PHC3: variants seen among roughly 807,000 people sequenced by gnomAD.
PHC3 encodes the protein polyhomeotic homolog 3, also known as polyhomeotic-like protein 3.
In PHC3, 13 loss-of-function variants were observed where a neutral mutation model predicts 107.4. That is an observed-to-expected ratio of 0.12 (90% CI 0.08 to 0.19). PHC3 has a LOEUF of 0.19. Among genes scored for constraint, PHC3 ranks in the 10% least tolerant of loss-of-function variants. The pLI is 1.00. For missense variants in PHC3, 992 were observed against 1,210.9 expected (o/e 0.82, Z 2.68); for synonymous variants, 456 against 427.4 (o/e 1.07, Z -0.83).
At chr3:170,145,593 AAG>A in intron 5 of PHC3, 72 bp from the exon 6 acceptor site, 1 of 1,029,868 alleles carries the variant, frequency 9.7e-7, no homozygotes, top group Non-Finnish European at 1.4e-6. Flanking sequence ...TGTAGCAGGC[AAG>A]AGAGACTGAA....
intron 4 of PHC3, among the ~76,000 whole-genome samples, chr3:170,154,318 G>A (rs1726532848): frequency 6.6e-6 from 1 of 152,240 alleles, no homozygotes; most frequent in Non-Finnish European, 1.5e-5. Context: ...CAACAGGGAA[G>A]AACTGGACCC....
intron 6 of PHC3, among the ~76,000 whole-genome samples, chr3:170,140,162 T>C (rs1394832838): frequency 1.3e-5 from 2 of 149,902 alleles, no homozygotes; most frequent in African/African-American, 2.4e-5. Context: ...GTTGTTTTTT[T>C]CCTCAATTCT....
intron 1 of PHC3, among the ~76,000 whole-genome samples, chr3:170,180,021 C>CACTA (rs1425054132): frequency 6.6e-6 from 1 of 151,778 alleles, no homozygotes; most frequent in Non-Finnish European, 1.5e-5. Flanking sequence ...ATGAATCTGG[C>CACTA]ACTAATTGGT....
At chr3:170,141,956 G>A (rs948271116) in intron 6 of PHC3, among the ~76,000 whole-genome samples, 3 of 152,132 alleles carry the variant, frequency 2.0e-5, no homozygotes, top group Non-Finnish European at 4.4e-5. Context: ...TTACCTGAAA[G>A]CTAAGAACCA....
intron 14 of PHC3, chr3:170,102,206 GA>G: frequency 1.0e-6 from 1 of 985,412 alleles, no homozygotes; most frequent in Non-Finnish European, 1.2e-6. Context: ...CTGAAGAGAA[GA>G]AAGCACCTTT....
chr3:170,128,418 T>C (rs1721699878), intron 8 of PHC3: 9 of 1,332,236 alleles, frequency 6.8e-6, no homozygotes, highest in South Asian at 1.4e-5. Context: ...TCTGTAAAGA[T>C]AGCAGATGGA....
chr3:170,174,038 C>A (rs1730022853), intron 2 of PHC3, among the ~76,000 whole-genome samples: 1 of 151,912 alleles, frequency 6.6e-6, no homozygotes, highest in South Asian at 2.1e-4. Context: ...ACTAAAAATA[C>A]AAAACTTGGC....
chr3:170,104,337 A>G (rs1716057874), intron 12 of PHC3, among the ~76,000 whole-genome samples: 1 of 152,188 alleles, frequency 6.6e-6, no homozygotes, highest in South Asian at 2.1e-4. Flanking sequence ...AAGAGTGAGA[A>G]GAAATGATCT....
In PHC3 at chr3:170,096,957, A is replaced by C. The variant is rs1714711262; in HGVS notation, c.*273T>G. The C allele has an allele frequency of 3.7e-6, 1 of 269,656 alleles. No individual in the cohort carries two copies. The highest frequency in any genetic ancestry group is 6.9e-6 in the Non-Finnish European group (1 of 145,416). The allele number at this position is 269,656 out of a possible 1,614,324, so 16.7% of individuals were successfully genotyped here. On this transcript the variant is annotated 3_prime_UTR_variant, in exon 15 of 15. Coordinates refer to ENST00000495893, the MANE Select transcript of PHC3 (RefSeq NM_024947.4). ...CTTTAAAAAAATTATCTAGTATAAC[A>C]CATTTCTTTGAAAAATATCATGGCC...
chr3:170,138,108 G>A (rs1190473613), intron 6 of PHC3, among the ~76,000 whole-genome samples: 1 of 151,996 alleles, frequency 6.6e-6, no homozygotes. Context: ...GGCATGAACT[G>A]CTTGAGCCTG....
At position 170,102,823 on chromosome 3, in the gene PHC3, C is replaced by T. The variant is rs370712889; in HGVS notation, c.2580G>A (p.Ala860=). The T allele has an allele frequency of 1.8e-5, 29 of 1,613,796 alleles. No individual in the cohort carries two copies. The highest frequency in any genetic ancestry group is 2.4e-5 in the Non-Finnish European group (28 of 1,179,864). ...GRRPSGPDGA[A]REHILRQLPI... The stretch of plus-strand genomic sequence containing the variant: ...AGACCTGCCTAAGGATATGTTCTCT[C>T]GCTGCCCCATCAGGGCCACTTGGAC... Residue 860 remains alanine, a synonymous_variant, in exon 13 of 15, where the codon GCG becomes GCA. Transcript: ENST00000495893.
Position 170,118,815 on chromosome 3 carries a change from C to A in PHC3, c.1943-1339G>T, listed in dbSNP as rs186782733. 4.9e-4 allele frequency among the ~76,000 whole-genome samples: 75 copies of A among 151,582 alleles called. 1 individual carries two copies. The highest frequency in any genetic ancestry group is 1.7e-3 in the African/African-American group (72 of 41,330). ...GACTCAAGTGATCCTCCTGCCTCAG[C>A]CTCTCAAAGTGCTGGTATAAGCCAC... On this transcript the variant is annotated intron_variant, in intron 9 of 14. Transcript: ENST00000495893.
intron 4 of PHC3, among the ~76,000 whole-genome samples, chr3:170,163,947 C>T (rs1222016185): frequency 6.6e-6 from 1 of 150,680 alleles, no homozygotes; most frequent in Non-Finnish European, 1.5e-5. Context: ...CGCCTATAAT[C>T]TCAGCATTTT....
chr3:170,165,451 T>C (rs1010576792), intron 4 of PHC3, among the ~76,000 whole-genome samples: 4 of 151,986 alleles, frequency 2.6e-5, no homozygotes, highest in Admixed American at 2.0e-4. Flanking sequence ...ATAACAAAGA[T>C]ATCAGAATTA....
chr3:170,107,033 G>T, intron 11 of PHC3, 87 bp from the exon 12 acceptor site: 1 of 843,912 alleles, frequency 1.2e-6, no homozygotes, highest in Non-Finnish European at 1.8e-6. Context: ...GTTGGATACT[G>T]CTAGCAAACC....
At chr3:170,176,536 C>A (rs1452013708) in intron 2 of PHC3, among the ~76,000 whole-genome samples, 1 of 152,102 alleles carries the variant, frequency 6.6e-6, no homozygotes, top group East Asian at 1.9e-4. Flanking sequence ...AATAAGAATT[C>A]ACAGAGTGGT....
intron 9 of PHC3, among the ~76,000 whole-genome samples, chr3:170,122,332 A>G (rs1436575067): frequency 6.6e-6 from 1 of 151,960 alleles, no homozygotes; most frequent in African/African-American, 2.4e-5. Context: ...GGCTGGGTGC[A>G]ATGGCTCACA....
At chr3:170,144,169 A>AAAAAAAG (rs1440852163) in intron 6 of PHC3, among the ~76,000 whole-genome samples, 3 of 151,304 alleles carry the variant, frequency 2.0e-5, no homozygotes, top group African/African-American at 7.3e-5. Context: ...AAAAAAAAAA[A>AAAAAAAG]AAAAAAGAAA....
In PHC3 at chr3:170,087,820, G is replaced by C. The variant is rs1713643855; in HGVS notation, c.*9410C>G. 1 of 152,010 alleles carries C rather than the reference G, an allele frequency of 6.6e-6. No individual in the cohort carries two copies. The allele number at this position is 152,010 out of a possible 1,614,324, so 9.4% of individuals were successfully genotyped here. A position where few individuals can be genotyped will look rare whatever the true frequency, so the allele number is the denominator to read the frequency against. On this transcript the variant is annotated 3_prime_UTR_variant, in exon 15 of 15. Coordinates refer to ENST00000495893, the MANE Select transcript of PHC3 (RefSeq NM_024947.4). ...GTGCTTTAATTTAATAGTTAATGTT[G>C]CCATCAACAAACATTTAAATGCTCA...
Sources: allele counts gnomAD v4.1 joint callset (sites outside exome capture counted in the v4.1 genomes callset), GRCh38; gene constraint gnomAD v4.1.1; transcripts MANE v1.5; gene names NCBI Gene and HGNC (gene_info 2026-07-23, HGNC 2026-07-21).